XPO7: variants seen among roughly 807,000 people sequenced by gnomAD.
XPO7 encodes the protein exportin-7.
A neutral mutation model predicts 144.3 loss-of-function variants in XPO7; 21 were observed. That is an observed-to-expected ratio of 0.15 (90% CI 0.10 to 0.21). XPO7 has a LOEUF of 0.21. Among genes scored for constraint, XPO7 ranks in the 10% least tolerant of loss-of-function variants. XPO7 has a pLI of 1.00. For synonymous variants in XPO7, 580 were observed against 499.6 expected, an observed-to-expected ratio of 1.16 and a Z score of -2.15; for missense variants, 808 against 1,325.8, an observed-to-expected ratio of 0.61 and a Z score of 6.06.
intron 1 of XPO7, among the ~76,000 whole-genome samples, chr8:21,939,221 TTTTC>T (rs528108222): frequency 0.011 from 1,101 of 102,332 alleles, 11 homozygotes; most frequent in African/African-American, 0.044. Flanking sequence ...TTTCTTTTTC[TTTTC>T]TTTTTTTTTT....
rs763937473 is a variant in XPO7 at position 21,998,747 on chromosome 8, C to A, written c.2346-8C>A. ...CTGACTTTTTCTCCTCCTGTGCTCT[C>A]TGCTCAGGTCCCAGCGACTCCAGTT... On this transcript the variant is annotated splice_polypyrimidine_tract_variant and splice_region_variant and intron_variant, in intron 21 of 27. Transcript: ENST00000252512. The A allele has an allele frequency of 6.8e-6, 11 of 1,613,660 alleles. No homozygotes were observed. Among genetic ancestry groups the A allele is most frequent in the Admixed American group, 1.7e-5 (1 of 60,002 alleles).
intron 1 of XPO7, chr8:21,921,540 CA>C (rs1563305363): frequency 6.6e-6 from 1 of 152,114 alleles, no homozygotes; most frequent in Non-Finnish European, 1.5e-5. Context: ...TGTGATCTCC[CA>C]CATTTTCGAA....
At chr8:21,947,661 T>G (rs1437315558) in intron 1 of XPO7, among the ~76,000 whole-genome samples, 2 of 152,022 alleles carry the variant, frequency 1.3e-5, no homozygotes, top group African/African-American at 4.8e-5. Context: ...TAGGAAAAGA[T>G]CTCTCCAACA....
Position 21,983,062 on chromosome 8 carries a change from G to C in XPO7, c.1277+250G>C, listed in dbSNP as rs145825486. The stretch of plus-strand genomic sequence containing the variant: ...CTGTCCATAGCAATATCTTTGAATA[G>C]AGTATATCCATATAATGTTTGTCCT... On this transcript the variant is annotated intron_variant, in intron 11 of 27. Coordinates refer to ENST00000252512, the MANE Select transcript of XPO7 (RefSeq NM_015024.5). 2.0e-3 allele frequency among the ~76,000 whole-genome samples: 307 copies of C among 152,282 alleles called. 1 individual carries two copies. The highest frequency in any genetic ancestry group is 6.9e-3 in the African/African-American group (286 of 41,566).
chr8:21,929,801 G>T (rs1214505604), intron 1 of XPO7, among the ~76,000 whole-genome samples: 1 of 151,990 alleles, frequency 6.6e-6, no homozygotes, highest in Non-Finnish European at 1.5e-5. Flanking sequence ...TGTTTTGTGT[G>T]ACTGCGATAA....
intron 1 of XPO7, among the ~76,000 whole-genome samples, chr8:21,931,675 G>A (rs1252474334): frequency 2.0e-5 from 3 of 152,158 alleles, no homozygotes; most frequent in Non-Finnish European, 4.4e-5. Flanking sequence ...ATCATGAATT[G>A]TTGACTGCTC....
intron 2 of XPO7, among the ~76,000 whole-genome samples, chr8:21,967,634 A>G (rs1199698504): frequency 6.6e-6 from 1 of 152,112 alleles, no homozygotes; most frequent in Non-Finnish European, 1.5e-5. Flanking sequence ...CACCCGGCCA[A>G]TAAATGACCT....
chr8:21,920,023 G>C (rs1429098871), intron 1 of XPO7, among the ~76,000 whole-genome samples: 2 of 151,758 alleles, frequency 1.3e-5, no homozygotes, highest in East Asian at 3.9e-4. Context: ...CGGGGCTGCA[G>C]GGACAGGAAC....
intron 1 of XPO7, among the ~76,000 whole-genome samples, chr8:21,936,265 A>G (rs1810819171): frequency 6.6e-6 from 1 of 152,128 alleles, no homozygotes. Flanking sequence ...TGGATCACTG[A>G]TAATTATTCC....
At chr8:21,927,537 C>T (rs1009191847) in intron 1 of XPO7, among the ~76,000 whole-genome samples, 3 of 144,772 alleles carry the variant, frequency 2.1e-5, no homozygotes, top group Non-Finnish European at 4.5e-5. Flanking sequence ...AAAAAACCAA[C>T]CTTTTTTTTT....
At chr8:21,953,195 A>C (rs1029146474) in intron 1 of XPO7, among the ~76,000 whole-genome samples, 2 of 152,128 alleles carry the variant, frequency 1.3e-5, no homozygotes, top group East Asian at 3.9e-4. Context: ...ATCATAAAGA[A>C]CAGTTTCACT....
Position 21,988,999 on chromosome 8 carries a change from C to A in XPO7, c.1788-4C>A, listed in dbSNP as rs992887297. ...CTGCTTTTTTTTTTCTTTTTGTCCTCCAGCATCACCAACTTGAAGTACTGG... is the reference window on the plus strand; with the variant it reads ...CTGCTTTTTTTTTTCTTTTTGTCCTACAGCATCACCAACTTGAAGTACTGG... On this transcript the variant is annotated splice_polypyrimidine_tract_variant and splice_region_variant and intron_variant, in intron 15 of 27. Coordinates refer to ENST00000252512, the MANE Select transcript of XPO7 (RefSeq NM_015024.5). 90 of 1,612,210 alleles carry A rather than the reference C, an allele frequency of 5.6e-5. No homozygotes were observed. The highest frequency in any genetic ancestry group is 7.5e-5 in the Non-Finnish European group (89 of 1,179,472).
rs181119797 is a variant in XPO7, at chr8:21,931,936, G to A, written c.18+12148G>A. On this transcript the variant is annotated intron_variant, in intron 1 of 27. Coordinates refer to ENST00000252512, the MANE Select transcript of XPO7 (RefSeq NM_015024.5). Reference sequence around the variant, plus strand: ...TGCCTAGGTTGGAGTGCAGTGGCGCGGTCTTGGCTCATTGCAACCTCCGCC... The same window carrying A: ...TGCCTAGGTTGGAGTGCAGTGGCGCAGTCTTGGCTCATTGCAACCTCCGCC... Among the ~76,000 whole-genome samples, 81 of 152,054 alleles carry A rather than the reference G, an allele frequency of 5.3e-4. 1 individual carries two copies. In the Middle Eastern group the frequency reaches 0.01, roughly 19 times the overall value.
intron 1 of XPO7, among the ~76,000 whole-genome samples, chr8:21,920,782 A>G (rs773978228): frequency 3.9e-5 from 6 of 152,166 alleles, no homozygotes; most frequent in African/African-American, 7.2e-5. Context: ...CCAATTTTCT[A>G]GGTAACCAAG....
chr8:21,958,240 G>A (rs1811603676), intron 1 of XPO7, among the ~76,000 whole-genome samples: 1 of 151,976 alleles, frequency 6.6e-6, no homozygotes, highest in African/African-American at 2.4e-5. Flanking sequence ...GTCATGTTCT[G>A]TAAAGTCACC....
intron 6 of XPO7, among the ~76,000 whole-genome samples, chr8:21,975,361 C>T (rs901550698): frequency 6.6e-6 from 1 of 152,140 alleles, no homozygotes; most frequent in African/African-American, 2.4e-5. Context: ...GTGTTAAAAT[C>T]GAAAGTTGGT....
intron 1 of XPO7, among the ~76,000 whole-genome samples, chr8:21,963,421 C>A (rs1451813558): frequency 1.3e-5 from 2 of 152,202 alleles, no homozygotes; most frequent in Non-Finnish European, 2.9e-5. Flanking sequence ...ATAGACCGGG[C>A]ACGGTGGCTC....
chr8:21,974,295 C>T (rs192020759), intron 5 of XPO7, among the ~76,000 whole-genome samples: 2 of 152,012 alleles, frequency 1.3e-5, no homozygotes, highest in African/African-American at 4.8e-5. Flanking sequence ...TCCCAAAGTT[C>T]TAGAATTACA....
At chr8:21,942,323 T>C (rs1811019802) in intron 1 of XPO7, among the ~76,000 whole-genome samples, 1 of 152,226 alleles carries the variant, frequency 6.6e-6, no homozygotes, top group Admixed American at 6.5e-5. Flanking sequence ...CTAAAATATT[T>C]GCTGTAGAAA....
Sources: gnomAD v4.1 joint callset for allele counts (sites outside exome capture counted in the v4.1 genomes callset) on GRCh38, gnomAD v4.1.1 for gene constraint, MANE v1.5 for transcripts, NCBI Gene and HGNC (gene_info 2026-07-23, HGNC 2026-07-21) for gene names.